The following DOCK1 variants were observed in gnomAD, a reference collection of about 807,000 sequenced individuals.
DOCK1 encodes dedicator of cytokinesis protein 1.
In DOCK1, 138 loss-of-function variants were observed where a neutral mutation model predicts 262.7. That is an observed-to-expected ratio of 0.53 (90% CI 0.46 to 0.61). The LOEUF (loss-of-function observed/expected upper bound fraction) is 0.61. Among genes scored for constraint, DOCK1 ranks in the 20% least tolerant of loss-of-function variants. The probability of loss-of-function intolerance (pLI) is 0.00; values close to 1 mark genes in which losing one functional copy is unlikely to be tolerated. For missense variants in DOCK1, 1,908 were observed against 2,370.7 expected, an observed-to-expected ratio of 0.80 and a Z score of 4.05; for synonymous variants, 866 against 867.4, an observed-to-expected ratio of 1.00 and a Z score of 0.03.
chr10:127,425,120 A>G (rs538903711), intron 46 of DOCK1, among the ~76,000 whole-genome samples: 120 of 152,326 alleles, frequency 7.9e-4, no homozygotes, highest in Non-Finnish European at 1.3e-3. Flanking sequence ...TGATTTAATT[A>G]TAAATTATTG....
At chr10:127,162,996 C>T (rs1232773234) in intron 27 of DOCK1, among the ~76,000 whole-genome samples, 1 of 152,200 alleles carries the variant, frequency 6.6e-6, no homozygotes, top group Non-Finnish European at 1.5e-5. Context: ...TTCTAACCCG[C>T]ATGCAAACCT....
At chr10:127,248,138 A>C in intron 28 of DOCK1, 29 bp downstream of exon 28, 1 of 1,599,296 alleles carries the variant, frequency 6.3e-7, no homozygotes, top group Non-Finnish European at 8.6e-7. Context: ...CTGTTCACAT[A>C]ACCATGTTTT....
intron 1 of DOCK1, among the ~76,000 whole-genome samples, chr10:126,967,353 C>T (rs991406199): frequency 6.6e-6 from 1 of 152,174 alleles, no homozygotes. Flanking sequence ...AAATTCCCTA[C>T]ATGGTTCTTG....
intron 27 of DOCK1, among the ~76,000 whole-genome samples, chr10:127,166,892 C>T (rs561729435): frequency 4.0e-5 from 6 of 151,714 alleles, no homozygotes; most frequent in Non-Finnish European, 5.9e-5. Context: ...CCTAGTGGCT[C>T]GGTGGTGAGG....
chr10:126,947,232 G>T (rs2035492917), intron 1 of DOCK1, among the ~76,000 whole-genome samples: 1 of 152,314 alleles, frequency 6.6e-6, no homozygotes, highest in South Asian at 2.1e-4. Flanking sequence ...GGTGGTGCTG[G>T]TAATGTGGTT....
chr10:127,316,033 GA>G (rs538050628), intron 29 of DOCK1, among the ~76,000 whole-genome samples: 2,001 of 144,486 alleles, frequency 0.014, 15 homozygotes, highest in Middle Eastern at 0.038. Flanking sequence ...TCTTTAAAAA[GA>G]AAAAAAAAAG....
At chr10:127,103,537 GT>G (rs1402123101) in intron 23 of DOCK1, among the ~76,000 whole-genome samples, 1 of 152,166 alleles carries the variant, frequency 6.6e-6, no homozygotes, top group African/African-American at 2.4e-5. Context: ...GGCAGCAGCA[GT>G]TTCCCTGGAA....
chr10:127,142,875 T>C (rs1184870655), intron 27 of DOCK1, among the ~76,000 whole-genome samples: 2 of 152,220 alleles, frequency 1.3e-5, no homozygotes, highest in African/African-American at 4.8e-5. Context: ...ATGAAAGTTT[T>C]AAGTGTGGGG....
rs771828391 is a variant in DOCK1 at position 127,024,731 on chromosome 10, A to G, written c.1499A>G (p.Lys500Arg). The G allele has an allele frequency of 4.3e-6, 7 of 1,612,764 alleles. No homozygotes were observed. The highest frequency in any genetic ancestry group is 3.3e-5 in the Admixed American group (2 of 59,874). ...GAGDEAISEY[K>R]SVIYYQVKQP... ...GGTGATGAAGCGATTTCAGAGTACA[A>G]ATCTGTGATTTACTACCAAGTAAAG... Residue 500 changes from lysine (K) to arginine (R), a missense_variant, in exon 15 of 52, where the codon AAA (lysine) becomes AGA (arginine). Lys to Arg is a conservative substitution (Grantham distance 26). Transcript: ENST00000623213.
At chr10:126,970,658 C>T (rs984333355) in intron 1 of DOCK1, 44 bp from the exon 2 acceptor site, 15 of 1,502,760 alleles carry the variant, frequency 1.0e-5, no homozygotes, top group Non-Finnish European at 1.4e-5. Flanking sequence ...ATGGTCACTT[C>T]TATCTTTACT....
At chr10:127,093,245 T>C (rs932269404) in intron 23 of DOCK1, among the ~76,000 whole-genome samples, 46 of 132,476 alleles carry the variant, frequency 3.5e-4, no homozygotes, top group South Asian at 4.9e-4. Context: ...CTTTCTTCTT[T>C]TTTTTTTTTT....
intron 32 of DOCK1, among the ~76,000 whole-genome samples, chr10:127,356,420 T>G (rs1437707072): frequency 6.6e-6 from 1 of 152,230 alleles, no homozygotes; most frequent in African/African-American, 2.4e-5. Context: ...CTATGACATA[T>G]ATATACGATG....
intron 29 of DOCK1, among the ~76,000 whole-genome samples, chr10:127,288,255 A>C (rs562180133): frequency 1.3e-5 from 2 of 152,280 alleles, no homozygotes; most frequent in Non-Finnish European, 2.9e-5. Context: ...ACCCTGCTTA[A>C]GTAGTCTTTG....
intron 1 of DOCK1, among the ~76,000 whole-genome samples, chr10:126,954,065 C>T (rs1358256788): frequency 1.3e-5 from 2 of 152,228 alleles, no homozygotes; most frequent in African/African-American, 4.8e-5. Flanking sequence ...TGCCCAGCAG[C>T]ACCTCTGTAA....
At chr10:127,398,482 C>T (rs2067045473) in intron 38 of DOCK1, among the ~76,000 whole-genome samples, 1 of 152,324 alleles carries the variant, frequency 6.6e-6, no homozygotes, top group East Asian at 1.9e-4. Flanking sequence ...AGTCCTGGGC[C>T]TCCCTGGCTC....
chr10:127,404,577 CAG>C, intron 40 of DOCK1, 148 bp downstream of exon 40: 1 of 685,780 alleles, frequency 1.5e-6, no homozygotes, highest in East Asian at 2.8e-5. Flanking sequence ...GCCCGGGGGG[CAG>C]AGAGGGGTTG....
chr10:127,401,120 A>T (rs1050716194), intron 38 of DOCK1, among the ~76,000 whole-genome samples: 1 of 151,414 alleles, frequency 6.6e-6, no homozygotes, highest in African/African-American at 2.4e-5. Context: ...GACAGCTCTG[A>T]CCCCCTGTGA....
chr10:127,451,109 G>A (rs1384679392), intron 51 of DOCK1, among the ~76,000 whole-genome samples: 5 of 152,118 alleles, frequency 3.3e-5, no homozygotes. Context: ...TGTGCAGACG[G>A]TGGGAGAGTG....
intron 29 of DOCK1, among the ~76,000 whole-genome samples, chr10:127,323,687 G>A (rs1174715426): frequency 1.3e-5 from 2 of 152,352 alleles, no homozygotes; most frequent in African/African-American, 2.4e-5. Context: ...TACGAGCTGA[G>A]TAACCTGGGC....
Sources: gnomAD v4.1 joint callset for allele counts (sites outside exome capture counted in the v4.1 genomes callset) on GRCh38, gnomAD v4.1.1 for gene constraint, MANE v1.5 for transcripts, NCBI Gene and HGNC (gene_info 2026-07-23, HGNC 2026-07-21) for gene names.